The following GTSE1 variants were observed in gnomAD, a reference collection of about 807,000 sequenced individuals.
The protein encoded by GTSE1 is G2 and S phase-expressed protein 1.
A neutral mutation model predicts 60.5 loss-of-function variants in GTSE1; 52 were observed. That is an observed-to-expected ratio of 0.86 (90% CI 0.69 to 1.08). The LOEUF (loss-of-function observed/expected upper bound fraction) is 1.08. Among genes scored for constraint, GTSE1 ranks in the 50% least tolerant of loss-of-function variants. GTSE1 has a pLI of 0.00. For missense variants in GTSE1, 937 were observed against 961.8 expected (o/e 0.97, Z 0.34); for synonymous variants, 368 against 386.5 (o/e 0.95, Z 0.56).
chr22:46,323,362 T>C (rs1273240605), intron 8 of GTSE1, 100 bp downstream of exon 8: 1 of 912,456 alleles, frequency 1.1e-6, no homozygotes, highest in East Asian at 2.4e-5. Context: ...GGCCTGCGCA[T>C]CTGGCTTCCA....
intron 10 of GTSE1, 46 bp downstream of exon 10, chr22:46,328,935 G>A (rs1454101326): frequency 1.4e-6 from 2 of 1,473,024 alleles, no homozygotes; most frequent in East Asian, 4.5e-5. Flanking sequence ...GAGATTCCTG[G>A]AGGCTGCTCG....
At chr22:46,299,902 C>CCTGCCTCAG (rs1366159528) in intron 2 of GTSE1, among the ~76,000 whole-genome samples, 1 of 150,514 alleles carries the variant, frequency 6.6e-6, no homozygotes, top group Non-Finnish European at 1.5e-5. Flanking sequence ...AAGCAATTCT[C>CCTGCCTCAG]CTGCCTCAGC....
intron 9 of GTSE1, among the ~76,000 whole-genome samples, chr22:46,327,680 AAAAAC>A (rs1415557629): frequency 2.6e-5 from 4 of 152,222 alleles, no homozygotes; most frequent in African/African-American, 4.8e-5. Flanking sequence ...CAAAAAAACG[AAAAAC>A]AAAACAAAAA....
intron 2 of GTSE1, among the ~76,000 whole-genome samples, chr22:46,298,329 ACCAAGTCT>A (rs1435683617): frequency 6.6e-6 from 1 of 151,208 alleles, no homozygotes; most frequent in Non-Finnish European, 1.5e-5. Context: ...TCTTTTTGAG[ACCAAGTCT>A]CACTCTGTCT....
chr22:46,323,627 T>G (rs151101713), intron 8 of GTSE1, among the ~76,000 whole-genome samples: 1 of 152,218 alleles, frequency 6.6e-6, no homozygotes, highest in Non-Finnish European at 1.5e-5. Context: ...CTAAAGCTCC[T>G]GGGTGACTGT....
At position 46,319,964 on chromosome 22, in the gene GTSE1, G is replaced by A. The variant is rs1243936645; in HGVS notation, c.1433-3226G>A. On this transcript the variant is annotated intron_variant, in intron 7 of 11. Transcript: ENST00000454366. This position sits in a 1 kb window ranked among gnomAD's most constrained non-coding sequence, Gnocchi z 5.0. ...GGTGTCACTGCACTCCAGCCTGGGCGACAGAACGAGACTGTCTCAAAAAAA... is the reference window on the plus strand; with the variant it reads ...GGTGTCACTGCACTCCAGCCTGGGCAACAGAACGAGACTGTCTCAAAAAAA... Among the ~76,000 whole-genome samples the A allele has an allele frequency of 2.7e-5, 4 of 149,298 alleles. No homozygotes were observed. The South Asian group carries it at 6.3e-4, about 24-fold the overall frequency.
In GTSE1 at chr22:46,304,316, C is replaced by A. The variant is rs573584120; in HGVS notation, c.80-3834C>A. Among the ~76,000 whole-genome samples, 156 of 152,274 alleles carry A rather than the reference C, an allele frequency of 1.0e-3. No individual in the cohort carries two copies. The highest frequency in any genetic ancestry group is 3.6e-3 in the African/African-American group (148 of 41,562). The stretch of plus-strand genomic sequence containing the variant: ...ACCTTTGTTGTTTTAAGGGTTGTTA[C>A]TTCAGCATGTTAGCCTATCCTAACT... On this transcript the variant is annotated intron_variant, in intron 2 of 11. Transcript: ENST00000454366. This position sits in a 1 kb window ranked among gnomAD's most constrained non-coding sequence, Gnocchi z 4.4.
intron 2 of GTSE1, among the ~76,000 whole-genome samples, chr22:46,299,236 T>C (rs986267802): frequency 4.6e-5 from 7 of 152,280 alleles, no homozygotes; most frequent in African/African-American, 9.6e-5. Flanking sequence ...CTTCTGAGGC[T>C]GATTTCCCCA....
At position 46,297,415 on chromosome 22, in the gene GTSE1, C is replaced by T. The variant is rs199623164; in HGVS notation, c.15C>T (p.Gly5=). Residue 5 remains glycine, a synonymous_variant, in exon 2 of 12, where the codon GGC becomes GGT. Coordinates refer to ENST00000454366, the MANE Select transcript of GTSE1 (RefSeq NM_016426.7). The surrounding 1 kb of genome is among the most constrained non-coding windows in gnomAD (Gnocchi z 4.9). MEGG[G]GRDEPSACRA... ...CAGCTCTCTCCATGGAAGGAGGCGG[C>T]GGCCGCGATGAGCCTTCAGCCTGCC... 2.2e-5 allele frequency: 36 copies of T among 1,613,118 alleles called. 1 individual carries two copies. The East Asian group carries it at 6.0e-4, about 27-fold the overall frequency.
rs544088143 is a variant in GTSE1, at chr22:46,310,907, C to T, written c.763-1234C>T. 6.6e-6 allele frequency among the ~76,000 whole-genome samples: 1 copy of T among 152,252 alleles called. No individual in the cohort carries two copies. Among genetic ancestry groups the T allele is most frequent in the Admixed American group, 6.5e-5 (1 of 15,276 alleles). On this transcript the variant is annotated intron_variant, in intron 4 of 11. Transcript: ENST00000454366. The surrounding 1 kb of genome is among the most constrained non-coding windows in gnomAD (Gnocchi z 4.4). Reference sequence around the variant, plus strand: ...ATGGCACCACTGAAAACATTTTGCTCAGTGAGAGAGGCCATAACAAAAGGT... The same window carrying T: ...ATGGCACCACTGAAAACATTTTGCTTAGTGAGAGAGGCCATAACAAAAGGT...
intron 8 of GTSE1, 66 bp downstream of exon 8, chr22:46,323,328 A>C (rs2077825136): frequency 2.4e-6 from 3 of 1,226,894 alleles, no homozygotes; most frequent in Admixed American, 1.7e-5. Flanking sequence ...TGCTTACCTC[A>C]ACCATTTGGT....
chr22:46,328,605 T>A, intron 9 of GTSE1, 83 bp from the exon 10 acceptor site: 1 of 1,080,934 alleles, frequency 9.3e-7, no homozygotes, highest in South Asian at 1.3e-5. Context: ...ACACTGTTCC[T>A]CCAGAGTGAC....
At position 46,314,052 on chromosome 22, in the gene GTSE1, C is replaced by T. The variant is rs762220584; in HGVS notation, c.1051+39C>T. 1 of 1,611,260 alleles carries T rather than the reference C, an allele frequency of 6.2e-7. No individual in the cohort carries two copies. Among genetic ancestry groups the T allele is most frequent in the Non-Finnish European group, 8.5e-7 (1 of 1,178,140 alleles). ...CATCATGCTTGGACCCACATCTGGC[C>T]AGGTGAGGCCTGGAGTGCTGCTCAG... On this transcript the variant is annotated intron_variant, in intron 6 of 11. Coordinates refer to ENST00000454366, the MANE Select transcript of GTSE1 (RefSeq NM_016426.7). The surrounding 1 kb of genome is among the most constrained non-coding windows in gnomAD (Gnocchi z 7.1).
At chr22:46,305,067 A>T (rs1038597001) in intron 2 of GTSE1, among the ~76,000 whole-genome samples, 11 of 152,192 alleles carry the variant, frequency 7.2e-5, no homozygotes, top group African/African-American at 2.4e-4. Flanking sequence ...TTGGTAACAT[A>T]CTTACTTGCC....
Position 46,316,665 on chromosome 22 carries a change from T to C in GTSE1, c.1432+253T>C, listed in dbSNP as rs1346294907. 6.6e-6 allele frequency among the ~76,000 whole-genome samples: 1 copy of C among 152,172 alleles called. No individual in the cohort carries two copies. The highest frequency in any genetic ancestry group is 1.5e-5 in the Non-Finnish European group (1 of 68,032). On this transcript the variant is annotated intron_variant, in intron 7 of 11. Transcript: ENST00000454366. The surrounding 1 kb of genome is among the most constrained non-coding windows in gnomAD (Gnocchi z 5.0). The stretch of plus-strand genomic sequence containing the variant: ...GCTGCTTGTAAGGTTTTCTCTTTAG[T>C]GTTACTGTCGGGAATTTGATTATTA...
rs555610362 is a variant in GTSE1 at position 46,324,481 on chromosome 22, C to T, written c.1505+1219C>T. Among the ~76,000 whole-genome samples, 21 of 152,302 alleles carry T rather than the reference C, an allele frequency of 1.4e-4. No individual in the cohort carries two copies. The highest frequency in any genetic ancestry group is 1.2e-3 in the Admixed American group (19 of 15,300). ...CTCCTGGATTCACGCCATTCTCCTG[C>T]CTCAGCCTCCCAAGTAGCTGGGACT... is the stretch of plus-strand genomic sequence containing the variant. On this transcript the variant is annotated intron_variant, in intron 8 of 11. Coordinates refer to ENST00000454366, the MANE Select transcript of GTSE1 (RefSeq NM_016426.7). This position sits in a 1 kb window ranked among gnomAD's most constrained non-coding sequence, Gnocchi z 5.2.
rs2077781170 is a variant in GTSE1, at chr22:46,316,413, G to A, written c.1432+1G>A. On this transcript the variant is annotated splice_donor_variant, in intron 7 of 11. Coordinates refer to ENST00000454366, the MANE Select transcript of GTSE1 (RefSeq NM_016426.7). LOFTEE classifies it high-confidence loss of function. This position sits in a 1 kb window ranked among gnomAD's most constrained non-coding sequence, Gnocchi z 5.0. ...TTTAAAATTCCTAAGTTTTCTATTG[G>A]TGAGTAATAGATACATTTTAATGTG... is the stretch of plus-strand genomic sequence containing the variant. 6.6e-7 allele frequency: 1 copy of A among 1,506,628 alleles called. No homozygotes were observed. Among genetic ancestry groups the A allele is most frequent in the Admixed American group, 1.8e-5 (1 of 54,520 alleles). 93.3% of individuals were successfully genotyped at this position (1,506,628 alleles called of 1,614,324 possible).
chr22:46,311,788 T>G (rs563748341), intron 4 of GTSE1, among the ~76,000 whole-genome samples: 51 of 152,366 alleles, frequency 3.3e-4, no homozygotes, highest in African/African-American at 1.2e-3. Context: ...GAGTCCTTTC[T>G]GTACAGCATT....
chr22:46,307,599 G>A (rs1393487653), intron 2 of GTSE1, among the ~76,000 whole-genome samples: 2 of 152,058 alleles, frequency 1.3e-5, no homozygotes, highest in Admixed American at 1.3e-4. Context: ...CACCTCCTGG[G>A]TTCAAGCGAT....
Sources: gnomAD v4.1 joint callset for allele counts (sites outside exome capture counted in the v4.1 genomes callset) on GRCh38, gnomAD v4.1.1 for gene constraint, Gnocchi (gnomAD v3.1) non-coding constraint, MANE v1.5 for transcripts, NCBI Gene and HGNC (gene_info 2026-07-23, HGNC 2026-07-21) for gene names.